Variants in NRG1 observed in about 807,000 individuals in gnomAD.
The protein encoded by NRG1 is neuregulin 1, also known as pro-neuregulin-1, membrane-bound isoform.
A neutral mutation model predicts 63.8 loss-of-function variants in NRG1; 18 were observed. That is an observed-to-expected ratio of 0.28 (90% CI 0.19 to 0.42). NRG1 has a LOEUF of 0.42. Ranked by LOEUF, NRG1 falls within the 10% of genes least tolerant of loss-of-function variation. The pLI is 1.00. For missense variants in NRG1, 762 were observed against 814.7 expected (o/e 0.94, Z 0.79); for synonymous variants, 302 against 301.3 (o/e 1.00, Z -0.02).
At chr8:32,696,320 T>C (rs1813287872) in intron 5 of NRG1, among the ~76,000 whole-genome samples, 2 of 152,206 alleles carry the variant, frequency 1.3e-5, no homozygotes, top group South Asian at 4.1e-4. Context: ...ATTATATTAC[T>C]GGTAGAAATC....
At chr8:32,439,443 A>G (rs533880171) in intron 1 of NRG1, among the ~76,000 whole-genome samples, 2 of 152,298 alleles carry the variant, frequency 1.3e-5, no homozygotes, top group Non-Finnish European at 2.9e-5. Flanking sequence ...TTGATGAAAA[A>G]GAAAGATAAG....
intron 1 of NRG1, among the ~76,000 whole-genome samples, chr8:31,829,936 T>A (rs1353491728): frequency 6.6e-6 from 1 of 152,186 alleles, no homozygotes. Context: ...TGGATCAAAT[T>A]TCACTGTACA....
chr8:31,776,331 T>C (rs945037057), intron 1 of NRG1, among the ~76,000 whole-genome samples: 3 of 152,182 alleles, frequency 2.0e-5, no homozygotes, highest in Non-Finnish European at 4.4e-5. Flanking sequence ...GATGGCTCCT[T>C]GGGTTTCTGT....
At chr8:31,901,876 T>C (rs994530554) in intron 1 of NRG1, among the ~76,000 whole-genome samples, 2 of 152,236 alleles carry the variant, frequency 1.3e-5, no homozygotes, top group African/African-American at 2.4e-5. Flanking sequence ...GAACTCTTAA[T>C]ACATGTATCT....
chr8:32,240,926 G>T (rs1438833268), intron 1 of NRG1, among the ~76,000 whole-genome samples: 1 of 152,012 alleles, frequency 6.6e-6, no homozygotes, highest in Non-Finnish European at 1.5e-5. Context: ...AGAAAATGTT[G>T]CAAGAGAAGG....
At chr8:32,747,730 G>GTATA (rs1466374324) in intron 7 of NRG1, among the ~76,000 whole-genome samples, 1 of 120,624 alleles carries the variant, frequency 8.3e-6, no homozygotes, top group Non-Finnish European at 1.7e-5. Flanking sequence ...ATATGTGTGT[G>GTATA]TGTATATATA....
chr8:32,181,993 G>A (rs1354439685), intron 1 of NRG1, among the ~76,000 whole-genome samples: 1 of 152,194 alleles, frequency 6.6e-6, no homozygotes, highest in Admixed American at 6.5e-5. Context: ...AAACTTATCA[G>A]TAAGTAGCAT....
intron 1 of NRG1, among the ~76,000 whole-genome samples, chr8:31,939,103 A>G (rs1206027453): frequency 6.6e-6 from 1 of 152,214 alleles, no homozygotes; most frequent in Non-Finnish European, 1.5e-5. Context: ...TTGGCTTGGC[A>G]CACAGTCATC....
intron 1 of NRG1, among the ~76,000 whole-genome samples, chr8:32,412,866 T>G (rs1306689227): frequency 6.6e-6 from 1 of 152,322 alleles, no homozygotes. Context: ...ATGCAGCATA[T>G]GACTGTATAT....
At chr8:32,588,550 A>G (rs1010407857) in intron 1 of NRG1, among the ~76,000 whole-genome samples, 6 of 152,192 alleles carry the variant, frequency 3.9e-5, no homozygotes, top group Non-Finnish European at 7.3e-5. Context: ...AAATGCTGAA[A>G]TACTGCCCCC....
chr8:32,506,995 T>C (rs1310026922), intron 1 of NRG1, among the ~76,000 whole-genome samples: 2 of 152,160 alleles, frequency 1.3e-5, no homozygotes, highest in African/African-American at 4.8e-5. Flanking sequence ...TATTGAACAA[T>C]GTATTAGACA....
chr8:32,679,437 A>G (rs973229221), intron 5 of NRG1, among the ~76,000 whole-genome samples: 1 of 152,168 alleles, frequency 6.6e-6, no homozygotes, highest in Non-Finnish European at 1.5e-5. Flanking sequence ...TTTATGGCCC[A>G]TTAACTATCT....
At chr8:32,739,671 G>C (rs1825886257) in intron 6 of NRG1, among the ~76,000 whole-genome samples, 2 of 152,122 alleles carry the variant, frequency 1.3e-5, no homozygotes, top group South Asian at 4.1e-4. Flanking sequence ...CACAGAACTG[G>C]TTATAAGATG....
In NRG1 at chr8:32,416,985, G is replaced by A. The variant is rs552478344; in HGVS notation, c.38-178843G>A. On this transcript the variant is annotated intron_variant, in intron 1 of 10. Coordinates refer to the NRG1 transcript ENST00000519301. ...CAGGCATGAAGTCACTGTGCTTGGC[G>A]TTTTAACCAGCCTGCCAGATGATTC... is the stretch of plus-strand genomic sequence containing the variant. Among the ~76,000 whole-genome samples, 50 of 152,202 alleles carry A rather than the reference G, an allele frequency of 3.3e-4. No individual in the cohort carries two copies. In the East Asian group the frequency reaches 3.3e-3, roughly 10 times the overall value.
chr8:32,412,064 C>G lies in NRG1; in HGVS notation c.38-183764C>G, dbSNP rs1351598202. Among the ~76,000 whole-genome samples the G allele has an allele frequency of 2.0e-5, 3 of 152,048 alleles. No individual in the cohort carries two copies. In the East Asian group the frequency reaches 5.8e-4, roughly 29 times the overall value. ...TAGATTGAGAAAAGCAGATTCGTCT[C>G]CCCTATGTCAGTGGACCTCATCCAA... On this transcript the variant is annotated intron_variant, in intron 1 of 10. Coordinates refer to the NRG1 transcript ENST00000519301.
chr8:32,325,420 C>T (rs947348174), intron 1 of NRG1, among the ~76,000 whole-genome samples: 1 of 152,188 alleles, frequency 6.6e-6, no homozygotes, highest in Non-Finnish European at 1.5e-5. Context: ...ACAGCTCTGT[C>T]CCCCAGGCTG....
At chr8:32,104,907 CTT>C (rs34226035) in intron 1 of NRG1, among the ~76,000 whole-genome samples, 11 of 145,854 alleles carry the variant, frequency 7.5e-5, no homozygotes, top group Middle Eastern at 3.6e-3. Context: ...TCACAGTTAA[CTT>C]TTTTTTTTTT....
intron 1 of NRG1, among the ~76,000 whole-genome samples, chr8:32,455,346 C>G (rs1218801698): frequency 6.6e-6 from 1 of 152,076 alleles, no homozygotes; most frequent in Non-Finnish European, 1.5e-5. Context: ...CTTTTTATGC[C>G]TATAAATAAA....
chr8:32,284,489 G>GCCTTCCTTCCTTCCTTCCTTCCTTCCTT (rs367763292), intron 1 of NRG1, among the ~76,000 whole-genome samples: 16 of 132,518 alleles, frequency 1.2e-4, no homozygotes, highest in Non-Finnish European at 2.4e-4. Flanking sequence ...CTGCCTGCCT[G>GCCTTCCTTCCTTCCTTCCTTCCTTCCTT]CCTTCCTTCC....
Sources: allele counts gnomAD v4.1 joint callset (sites outside exome capture counted in the v4.1 genomes callset), GRCh38; gene constraint gnomAD v4.1.1; transcripts MANE v1.5; gene names NCBI Gene and HGNC (gene_info 2026-07-23, HGNC 2026-07-21).